Variants in CSRP2 observed in about 807,000 individuals in gnomAD.
CSRP2 encodes cysteine and glycine rich protein 2.
CSRP2 carries 18 observed loss-of-function variants against 24.6 expected under a neutral mutation model. That is an observed-to-expected ratio of 0.73 (90% CI 0.51 to 1.09). The LOEUF (loss-of-function observed/expected upper bound fraction) is 1.09. Among genes scored for constraint, CSRP2 ranks in the 50% least tolerant of loss-of-function variants. The pLI, the probability that CSRP2 is intolerant of heterozygous loss-of-function variation, is 0.00. For synonymous variants in CSRP2, 87 were observed against 84.3 expected, an observed-to-expected ratio of 1.03 and a Z score of -0.18; for missense variants, 215 against 239.4, an observed-to-expected ratio of 0.90 and a Z score of 0.67.
intron 1 of CSRP2, among the ~76,000 whole-genome samples, chr12:76,873,708 CAA>C (rs34781114): frequency 6.6e-6 from 1 of 152,158 alleles, no homozygotes; most frequent in African/African-American, 2.4e-5. Flanking sequence ...AGTGGGGACT[CAA>C]ATGATAGTAT....
At chr12:76,863,036 AG>A in intron 3 of CSRP2, 139 bp downstream of exon 3, 1 of 1,433,444 alleles carries the variant, frequency 7.0e-7, no homozygotes, top group South Asian at 1.5e-5. Flanking sequence ...ATTTTGAACT[AG>A]TTGACATTAG....
chr12:76,872,841 C>T (rs771858937), intron 1 of CSRP2, among the ~76,000 whole-genome samples: 1 of 152,114 alleles, frequency 6.6e-6, no homozygotes, highest in African/African-American at 2.4e-5. Flanking sequence ...TTAAACTCTC[C>T]GCTCCTTAAA....
chr12:76,861,367 T>G (rs1388545527), intron 3 of CSRP2: 1 of 56,598 alleles, frequency 1.8e-5, no homozygotes, highest in Non-Finnish European at 4.0e-5. Context: ...TATATATATA[T>G]TTTTTTTTTT....
Position 76,878,953 on chromosome 12 carries a change from G to A in CSRP2, c.-17C>T, listed in dbSNP as rs1432977468. On this transcript the variant is annotated 5_prime_UTR_variant, in exon 1 of 6. Coordinates refer to ENST00000311083, the MANE Select transcript of CSRP2 (RefSeq NM_001321.3). Reference sequence around the variant, plus strand: ...CCCTACTCACTTGAGTCGGAGGCGGGAGCACGTACCGCAGGCGGAGCTAGC... The same window carrying A: ...CCCTACTCACTTGAGTCGGAGGCGGAAGCACGTACCGCAGGCGGAGCTAGC... 1 of 152,312 alleles carries A rather than the reference G, an allele frequency of 6.6e-6. No individual in the cohort carries two copies. Among genetic ancestry groups the A allele is most frequent in the Non-Finnish European group, 1.5e-5 (1 of 68,144 alleles). 9.4% of individuals were successfully genotyped at this position (152,312 alleles called of 1,614,324 possible).
intron 3 of CSRP2, chr12:76,862,659 CTTTAAAG>C (rs1953694002): frequency 2.0e-5 from 21 of 1,061,390 alleles, no homozygotes; most frequent in Non-Finnish European, 2.6e-5. Context: ...GCAACAAAGC[CTTTAAAG>C]TTTAACACTA....
intron 1 of CSRP2, among the ~76,000 whole-genome samples, chr12:76,867,496 G>A (rs1367472356): frequency 1.3e-5 from 2 of 152,120 alleles, no homozygotes; most frequent in Admixed American, 6.5e-5. Context: ...GCGACAGAGC[G>A]AGACTCTGAC....
chr12:76,866,226 G>A lies in CSRP2; in HGVS notation c.35C>T (p.Ala12Val). 2 of 1,614,028 alleles carry A rather than the reference G, an allele frequency of 1.2e-6. No homozygotes were observed. Among genetic ancestry groups the A allele is most frequent in the Non-Finnish European group, 1.7e-6 (2 of 1,179,984 alleles). The part of the protein sequence containing the change: ...PVWGGGNKCG[A>V]CGRTVYHAEE... ...TGCGTGGTACACGGTCCTCCCACAG[G>A]CCCCACACTTGTTTCCACCTCCCCA... Residue 12 changes from alanine to valine, a missense_variant, in exon 2 of 6, where the codon GCC becomes GTC. By Grantham distance (64) the Ala-to-Val change is moderately conservative. Coordinates refer to ENST00000311083, the MANE Select transcript of CSRP2 (RefSeq NM_001321.3).
intron 1 of CSRP2, among the ~76,000 whole-genome samples, chr12:76,869,714 A>G (rs1953777557): frequency 6.6e-6 from 1 of 152,224 alleles, no homozygotes; most frequent in Non-Finnish European, 1.5e-5. Flanking sequence ...AGGCATCCAT[A>G]TAGGATCAGT....
rs190992421 is a variant in CSRP2, at chr12:76,858,838, G to A, written c.*114C>T. 3.7e-5 allele frequency: 34 copies of A among 926,800 alleles called. No individual in the cohort carries two copies. The highest frequency in any genetic ancestry group is 3.2e-4 in the Middle Eastern group (1 of 3,078). 57.4% of individuals were successfully genotyped at this position (926,800 alleles called of 1,614,324 possible). A position where few individuals can be genotyped will look rare whatever the true frequency, so the allele number is the denominator to read the frequency against. ...TAGCCAGCCTATCCAAGTACAGGGC[G>A]ATATACAGTACTTAATGCTGGTAGA... On this transcript the variant is annotated 3_prime_UTR_variant, in exon 6 of 6. Coordinates refer to ENST00000311083, the MANE Select transcript of CSRP2 (RefSeq NM_001321.3).
intron 1 of CSRP2, among the ~76,000 whole-genome samples, chr12:76,876,698 G>T (rs1262436482): frequency 6.6e-6 from 1 of 152,200 alleles, no homozygotes; most frequent in African/African-American, 2.4e-5. Context: ...AGGGTAAGGT[G>T]CCTTGAGGAA....
intron 1 of CSRP2, among the ~76,000 whole-genome samples, chr12:76,874,056 CAT>C (rs1565829706): frequency 6.6e-6 from 1 of 152,142 alleles, no homozygotes; most frequent in East Asian, 1.9e-4. Flanking sequence ...GTGGTAAAAA[CAT>C]GTGGACAAAC....
intron 1 of CSRP2, among the ~76,000 whole-genome samples, chr12:76,872,561 G>A (rs982023612): frequency 1.3e-5 from 2 of 152,328 alleles, no homozygotes; most frequent in East Asian, 3.9e-4. Context: ...ATCCCCACGT[G>A]TGTGGAACAT....
chr12:76,869,579 C>CACACACACACACACACACACACACACA (rs3223657), intron 1 of CSRP2, among the ~76,000 whole-genome samples: 2 of 147,022 alleles, frequency 1.4e-5, no homozygotes, highest in Non-Finnish European at 3.0e-5. Context: ...CACACACACA[C>CACACACACACACACACACACACACACA]CCCTGACTGG....
rs372796776 is a variant in CSRP2, at chr12:76,860,465, T to TAA, written c.282-54_282-53dup. 8 of 1,600,372 alleles carry TAA rather than the reference T, an allele frequency of 5.0e-6. No individual in the cohort carries two copies. In the African/African-American group the frequency reaches 8.0e-5, roughly 16 times the overall value. ...GGCAAGAGTTTCCACAGGGCCCTTT[T>TAA]AAGTACACAAGGCAGGAACAATAGA... On this transcript the variant is annotated intron_variant, in intron 3 of 5. Coordinates refer to ENST00000311083, the MANE Select transcript of CSRP2 (RefSeq NM_001321.3).
intron 3 of CSRP2, chr12:76,862,843 C>CA: frequency 6.6e-7 from 1 of 1,523,694 alleles, no homozygotes; most frequent in Non-Finnish European, 8.7e-7. Flanking sequence ...ATGATTCACA[C>CA]AGCACATTTC....
chr12:76,872,238 G>C (rs1315572766), intron 1 of CSRP2, among the ~76,000 whole-genome samples: 3 of 152,070 alleles, frequency 2.0e-5, no homozygotes, highest in African/African-American at 7.2e-5. Context: ...CCTCTTCTTA[G>C]CCTAAGATGC....
intron 4 of CSRP2, among the ~76,000 whole-genome samples, chr12:76,859,901 C>A (rs2137820816): frequency 6.6e-6 from 1 of 152,292 alleles, no homozygotes; most frequent in East Asian, 1.9e-4. Flanking sequence ...TTTTTCTGGC[C>A]AAGAACAGCG....
At chr12:76,867,332 TAAAAAAAA>T (rs33997080) in intron 1 of CSRP2, among the ~76,000 whole-genome samples, 1 of 100,162 alleles carries the variant, frequency 1.0e-5, no homozygotes, top group Non-Finnish European at 1.9e-5. Context: ...CTGCTAAATT[TAAAAAAAA>T]AAAAAAAAAA....
In CSRP2 at chr12:76,876,059, C is replaced by A. The variant is rs1953848929; in HGVS notation, c.-2+2879G>T. Among the ~76,000 whole-genome samples, 3 of 152,190 alleles carry A rather than the reference C, an allele frequency of 2.0e-5. No homozygotes were observed. The South Asian group carries it at 6.2e-4, about 32-fold the overall frequency. On this transcript the variant is annotated intron_variant, in intron 1 of 5. Coordinates refer to ENST00000311083, the MANE Select transcript of CSRP2 (RefSeq NM_001321.3). ...GACCTCCATGGCTATGGCATAGGTT[C>A]TTCTTAAGCTGAGTAGTTCCTGCAC...
Sources: allele counts gnomAD v4.1 joint callset (sites outside exome capture counted in the v4.1 genomes callset), GRCh38; gene constraint gnomAD v4.1.1; transcripts MANE v1.5; gene names NCBI Gene and HGNC (gene_info 2026-07-23, HGNC 2026-07-21).